Variants in PALM observed in about 807,000 individuals in gnomAD.
PALM encodes the protein paralemmin-1.
Under a neutral mutation model 30.7 loss-of-function variants are expected in PALM, and 18 were observed. The ratio of observed to expected loss-of-function variants is 0.59; its 90% CI spans 0.41 to 0.87. The LOEUF (loss-of-function observed/expected upper bound fraction) is 0.87. Among genes scored for constraint, PALM ranks in the 40% least tolerant of loss-of-function variants. PALM has a pLI of 0.00. For synonymous variants in PALM, 286 were observed against 242.8 expected (o/e 1.18, Z -1.66); for missense variants, 529 against 555.4 (o/e 0.95, Z 0.48).
chr19:723,330 C>T (rs980461087), intron 1 of PALM, among the ~76,000 whole-genome samples: 1 of 152,064 alleles, frequency 6.6e-6, no homozygotes, highest in Non-Finnish European at 1.5e-5. Flanking sequence ...GCTGTAATTT[C>T]AGTCTCTGGG....
intron 4 of PALM, among the ~76,000 whole-genome samples, chr19:729,188 T>C (rs2032787456): frequency 6.7e-6 from 1 of 150,252 alleles, no homozygotes; most frequent in Non-Finnish European, 1.5e-5. Context: ...TTAGGTGGAT[T>C]AGTGGCGGGC....
Position 728,872 on chromosome 19 carries a change from C to T in PALM, c.269+1178C>T, listed in dbSNP as rs572338580. ...CAAAAAAATTAGCCAGGCGTGGTGG[C>T]GGGCACCTGTAGTCCCAGCTACTCA... is the stretch of plus-strand genomic sequence containing the variant. On this transcript the variant is annotated intron_variant, in intron 4 of 8. Coordinates refer to ENST00000338448, the MANE Select transcript of PALM (RefSeq NM_002579.3). Among the ~76,000 whole-genome samples, 14 of 152,092 alleles carry T rather than the reference C, an allele frequency of 9.2e-5. No individual in the cohort carries two copies. The South Asian group carries it at 1.9e-3, about 20-fold the overall frequency.
At chr19:734,152 C>G in intron 5 of PALM, 21 bp from the exon 6 acceptor site, 1 of 1,613,788 alleles carries the variant, frequency 6.2e-7, no homozygotes, top group South Asian at 1.1e-5. Flanking sequence ...GCCCCTGACC[C>G]TTCTCTCTTC....
At chr19:711,284 G>C (rs1363963027) in intron 1 of PALM, 1 of 587,754 alleles carries the variant, frequency 1.7e-6, no homozygotes, top group East Asian at 1.4e-4. Flanking sequence ...TGTGGCCCCT[G>C]CGTGACACAT....
At chr19:726,546 C>G (rs771544682) in intron 2 of PALM, among the ~76,000 whole-genome samples, 5 of 152,118 alleles carry the variant, frequency 3.3e-5, no homozygotes, top group Non-Finnish European at 7.4e-5. Flanking sequence ...TCTTGGTGTC[C>G]GCAGACCCCT....
chr19:726,936 G>C (rs1568225028), intron 2 of PALM, 72 bp from the exon 3 acceptor site: 2 of 961,456 alleles, frequency 2.1e-6, no homozygotes, highest in Admixed American at 2.1e-5. Context: ...GCTGGGCAGA[G>C]CCTTGTGTGG....
At chr19:740,281 C>G in intron 7 of PALM, 71 bp from the exon 8 acceptor site, 1 of 1,462,450 alleles carries the variant, frequency 6.8e-7, no homozygotes, top group Non-Finnish European at 9.2e-7. Flanking sequence ...CCCTCCCTGG[C>G]TTGGCCGCAG....
chr19:739,508 C>T (rs1288885561), intron 7 of PALM, among the ~76,000 whole-genome samples: 1 of 151,972 alleles, frequency 6.6e-6, no homozygotes, highest in African/African-American at 2.4e-5. Flanking sequence ...AGTGAGACCC[C>T]CATTTCCAAA....
chr19:720,925 C>A (rs2032457045), intron 1 of PALM, among the ~76,000 whole-genome samples: 1 of 152,194 alleles, frequency 6.6e-6, no homozygotes, highest in Admixed American at 6.5e-5. Context: ...ACCTCCCGCC[C>A]CAGCTCTGCT....
chr19:719,030 T>A, intron 1 of PALM: 4 of 381,000 alleles, frequency 1.0e-5, no homozygotes, highest in Non-Finnish European at 9.6e-6. Context: ...CCCGCGTGAC[T>A]CCCCCACCCC....
chr19:734,130 G>A (rs140145215), intron 5 of PALM, 43 bp from the exon 6 acceptor site: 100 of 1,610,096 alleles, frequency 6.2e-5, no homozygotes, highest in Middle Eastern at 1.7e-4. Flanking sequence ...TCCTCTTCCC[G>A]GGGATGCTGA....
Position 747,299 on chromosome 19 carries a change from C to T in PALM, c.*485C>T, listed in dbSNP as rs112371427. On this transcript the variant is annotated 3_prime_UTR_variant, in exon 9 of 9. Transcript: ENST00000338448. ...CCTGGAAGTGAGGCTCTATGGGGTT[C>T]CCTGGCCAAGGCGCTGGCCCCCCAA... The T allele has an allele frequency of 0.017, 2,690 of 158,230 alleles. 32 individuals carry two copies. The highest frequency in any genetic ancestry group is 0.029 in the Middle Eastern group (9 of 310). The allele number at this position is 158,230 out of a possible 1,614,324, so 9.8% of individuals were successfully genotyped here.
rs1486051964 is a variant in PALM at position 709,603 on chromosome 19, G to C, written c.5+452G>C. ...CCAGTCTGAGCGCACGGCTCCTGGC[G>C]CCCTGGACGCGCGCGCGGGCCGGTG... On this transcript the variant is annotated intron_variant, in intron 1 of 8. Transcript: ENST00000338448. The surrounding 1 kb of genome is among the most constrained non-coding windows in gnomAD (Gnocchi z 4.3). Among the ~76,000 whole-genome samples the C allele has an allele frequency of 6.6e-6, 1 of 151,506 alleles. No homozygotes were observed. Among genetic ancestry groups the C allele is most frequent in the African/African-American group, 2.4e-5 (1 of 41,274 alleles).
In PALM at chr19:746,355, C is replaced by A. The variant is rs746396745; in HGVS notation, c.705C>A (p.Leu235=). 3 of 1,613,336 alleles carry A rather than the reference C, an allele frequency of 1.9e-6. No homozygotes were observed. Among genetic ancestry groups the A allele is most frequent in the Non-Finnish European group, 2.5e-6 (3 of 1,179,734 alleles). ...HPLSSSEVDE[L]IHKADEVTLS... ...TGAGCTCCTCCGAGGTGGACGAACT[C>A]ATCCACAAAGCGGACGAGGTCACGC... The change falls in exon 9 of 9, where the codon CTC becomes CTA. Residue 235 remains leucine (L), a synonymous_variant. Coordinates refer to ENST00000338448, the MANE Select transcript of PALM (RefSeq NM_002579.3). This position sits in a 1 kb window ranked among gnomAD's most constrained non-coding sequence, Gnocchi z 7.1.
chr19:745,317 G>T (rs1182269288), intron 8 of PALM, among the ~76,000 whole-genome samples: 1 of 152,212 alleles, frequency 6.6e-6, no homozygotes, highest in Admixed American at 6.5e-5. Flanking sequence ...TCCCTTCTTT[G>T]AACTTTCATT....
chr19:745,257 G>C (rs1039733190), intron 8 of PALM, among the ~76,000 whole-genome samples: 1 of 152,250 alleles, frequency 6.6e-6, no homozygotes, highest in East Asian at 1.9e-4. Flanking sequence ...AACAGGCCCC[G>C]ATGCGGGGAA....
intron 7 of PALM, among the ~76,000 whole-genome samples, chr19:736,820 G>A (rs1456627511): frequency 1.3e-5 from 2 of 152,120 alleles, no homozygotes; most frequent in South Asian, 4.1e-4. Context: ...TTGGGAGGCC[G>A]AGGCGGGCAG....
chr19:743,444 G>A (rs1164883631), intron 8 of PALM, among the ~76,000 whole-genome samples: 1 of 152,214 alleles, frequency 6.6e-6, no homozygotes, highest in Non-Finnish European at 1.5e-5. Context: ...GCAGCGGCCA[G>A]TGGGACACAC....
chr19:712,352 G>T (rs1236364731), intron 1 of PALM, among the ~76,000 whole-genome samples: 1 of 151,946 alleles, frequency 6.6e-6, no homozygotes, highest in East Asian at 1.9e-4. Context: ...GCCCTGTTCC[G>T]AATGCTTTAT....
Sources: gnomAD v4.1 joint callset for allele counts (sites outside exome capture counted in the v4.1 genomes callset) on GRCh38, gnomAD v4.1.1 for gene constraint, Gnocchi (gnomAD v3.1) non-coding constraint, MANE v1.5 for transcripts, NCBI Gene and HGNC (gene_info 2026-07-23, HGNC 2026-07-21) for gene names.